MIR2052HG: variants seen among roughly 807,000 people sequenced by gnomAD.
The protein encoded by MIR2052HG is MIR2052 host gene.
At chr8:74,719,745 TAGAC>T (rs1490055624) in intron 4 of MIR2052HG, among the ~76,000 whole-genome samples, 2 of 152,170 alleles carry the variant, frequency 1.3e-5, no homozygotes, top group Admixed American at 1.3e-4. Flanking sequence ...CCTCATCTGT[TAGAC>T]AGCCTTAGCA....
intron 2 of MIR2052HG, among the ~76,000 whole-genome samples, chr8:74,694,707 C>T (rs1479157450): frequency 8.5e-5 from 13 of 152,070 alleles, no homozygotes; most frequent in Admixed American, 8.5e-4. Flanking sequence ...ACTGGAAAGT[C>T]TCAACAATAG....
intron 4 of MIR2052HG, among the ~76,000 whole-genome samples, chr8:74,714,140 G>T (rs536215776): frequency 3.9e-5 from 6 of 152,252 alleles, no homozygotes; most frequent in African/African-American, 1.4e-4. Context: ...TCCAATCAGG[G>T]TTTATTAAGG....
At chr8:74,615,937 G>A (rs1402928874) in intron 2 of MIR2052HG, among the ~76,000 whole-genome samples, 10 of 152,214 alleles carry the variant, frequency 6.6e-5, no homozygotes, top group Non-Finnish European at 1.0e-4. Context: ...CAAAGGACAT[G>A]AACTCATCAT....
chr8:74,654,006 T>C (rs1293049516), intron 2 of MIR2052HG, among the ~76,000 whole-genome samples: 50 of 152,182 alleles, frequency 3.3e-4, no homozygotes, highest in Admixed American at 3.3e-3. Flanking sequence ...TTTAATAATA[T>C]AGTCTTACAT....
At chr8:74,698,678 C>G (rs1000046646) in intron 2 of MIR2052HG, among the ~76,000 whole-genome samples, 4 of 151,984 alleles carry the variant, frequency 2.6e-5, no homozygotes, top group African/African-American at 7.2e-5. Context: ...CCAAACAATC[C>G]CATGAAAAGG....
At chr8:74,616,324 A>G (rs948513242) in intron 2 of MIR2052HG, among the ~76,000 whole-genome samples, 41 of 150,938 alleles carry the variant, frequency 2.7e-4, no homozygotes, top group Admixed American at 4.6e-4. Flanking sequence ...GTGAGATGGT[A>G]TCTCACTGTG....
intron 5 of MIR2052HG, among the ~76,000 whole-genome samples, chr8:74,754,109 C>T (rs1809975691): frequency 1.3e-5 from 2 of 152,126 alleles, no homozygotes; most frequent in South Asian, 4.1e-4. Context: ...TGCATTTCCT[C>T]GTCTGTAAAA....
intron 2 of MIR2052HG, among the ~76,000 whole-genome samples, chr8:74,625,601 A>G (rs541734135): frequency 1.2e-4 from 19 of 152,332 alleles, no homozygotes; most frequent in African/African-American, 4.3e-4. Flanking sequence ...GAGTTACACA[A>G]AATTTCTATT....
chr8:74,735,307 T>G (rs530204721), intron 4 of MIR2052HG, among the ~76,000 whole-genome samples: 2 of 152,214 alleles, frequency 1.3e-5, no homozygotes, highest in Admixed American at 1.3e-4. Flanking sequence ...GTAAGTCTTG[T>G]TGACAAGATG....
chr8:74,679,483 CCACT>C (rs1554575700), intron 2 of MIR2052HG, among the ~76,000 whole-genome samples: 2 of 151,386 alleles, frequency 1.3e-5, no homozygotes, highest in Non-Finnish European at 2.9e-5. Context: ...TTTTCTTTAT[CCACT>C]CACTCATTGG....
intron 2 of MIR2052HG, among the ~76,000 whole-genome samples, chr8:74,638,447 T>C (rs1173160073): frequency 6.6e-6 from 1 of 152,110 alleles, no homozygotes; most frequent in African/African-American, 2.4e-5. Context: ...GGCTGCAGGA[T>C]GGAGGATGAC....
intron 2 of MIR2052HG, among the ~76,000 whole-genome samples, chr8:74,695,693 A>G (rs777214373): frequency 6.6e-6 from 1 of 152,180 alleles, no homozygotes; most frequent in Non-Finnish European, 1.5e-5. Context: ...CTTTAAAGCA[A>G]TAACAGTTAA....
chr8:74,617,908 A>C (rs141992309), intron 2 of MIR2052HG, among the ~76,000 whole-genome samples: 1 of 152,176 alleles, frequency 6.6e-6, no homozygotes, highest in Non-Finnish European at 1.5e-5. Context: ...TGACTGGTGT[A>C]AGATAGTATC....
At chr8:74,718,251 T>C (rs1470439284) in intron 4 of MIR2052HG, among the ~76,000 whole-genome samples, 1 of 151,148 alleles carries the variant, frequency 6.6e-6, no homozygotes, top group Non-Finnish European at 1.5e-5. Flanking sequence ...GGAAACATAT[T>C]AGTAAGGACA....
chr8:74,674,226 A>G (rs1809026830), intron 2 of MIR2052HG, among the ~76,000 whole-genome samples: 1 of 151,270 alleles, frequency 6.6e-6, no homozygotes, highest in South Asian at 2.1e-4. Context: ...CATCACATTG[A>G]GAAAGATTGC....
chr8:74,640,382 A>G (rs1368366703), intron 2 of MIR2052HG, among the ~76,000 whole-genome samples: 1 of 151,532 alleles, frequency 6.6e-6, no homozygotes, highest in Non-Finnish European at 1.5e-5. Flanking sequence ...GAGGCAGAAG[A>G]ATCACTTGAA....
intron 2 of MIR2052HG, among the ~76,000 whole-genome samples, chr8:74,653,536 A>C (rs565013305): frequency 3.9e-5 from 6 of 152,164 alleles, no homozygotes; most frequent in Non-Finnish European, 8.8e-5. Context: ...CTGCAATGTA[A>C]ATAAAAGTTC....
chr8:74,619,540 T>C (rs1808332276), intron 2 of MIR2052HG, among the ~76,000 whole-genome samples: 1 of 152,184 alleles, frequency 6.6e-6, no homozygotes, highest in Non-Finnish European at 1.5e-5. Flanking sequence ...TCAGGAAACT[T>C]ACAATCATGG....
intron 2 of MIR2052HG, among the ~76,000 whole-genome samples, chr8:74,639,658 A>G (rs898218194): frequency 6.6e-6 from 1 of 152,170 alleles, no homozygotes; most frequent in Non-Finnish European, 1.5e-5. Flanking sequence ...CTCCTGTTAA[A>G]AATGTTCTTG....
Sources: gnomAD v4.1 joint callset for allele counts (sites outside exome capture counted in the v4.1 genomes callset) on GRCh38, gnomAD v4.1.1 for gene constraint, MANE v1.5 for transcripts, NCBI Gene and HGNC (gene_info 2026-07-23, HGNC 2026-07-21) for gene names.